The following RPS6KA5 variants were observed in gnomAD, a reference collection of about 807,000 sequenced individuals.
RPS6KA5 encodes the protein ribosomal protein S6 kinase alpha-5.
Under a neutral mutation model 85.5 loss-of-function variants are expected in RPS6KA5, and 27 were observed. That is an observed-to-expected ratio of 0.32 (90% CI 0.23 to 0.44). RPS6KA5 has a LOEUF of 0.44. Ranked by LOEUF, RPS6KA5 falls within the 20% of genes least tolerant of loss-of-function variation. The pLI is 1.00. For missense variants in RPS6KA5, 811 were observed against 980.9 expected, an observed-to-expected ratio of 0.83 and a Z score of 2.31; for synonymous variants, 334 against 348.2, an observed-to-expected ratio of 0.96 and a Z score of 0.46.
chr14:90,907,653 C>T (rs1056750873), intron 7 of RPS6KA5, among the ~76,000 whole-genome samples: 2 of 152,126 alleles, frequency 1.3e-5, no homozygotes, highest in African/African-American at 4.8e-5. Context: ...GTTAATTCTA[C>T]CTCTAGCACT....
In RPS6KA5 at chr14:90,875,346, T is replaced by C; in HGVS notation, c.1851A>G (p.Ser617=). 6.2e-7 allele frequency: 1 copy of C among 1,613,416 alleles called. No homozygotes were observed. Among genetic ancestry groups the C allele is most frequent in the Non-Finnish European group, 8.5e-7 (1 of 1,179,644 alleles). Residue 617 remains serine (S), a synonymous_variant, in exon 15 of 17, where the codon TCA becomes TCG. Transcript: ENST00000614987. ...CATGAGATTGGAAGGGAACCTGTCC[T>C]GACAACATTGTGTACTATCAGGGAA... ...SLGVILYTML[S]GQVPFQSHDR...
In RPS6KA5 at chr14:91,058,396, T is replaced by G. The variant is rs147553232; in HGVS notation, c.103+1936A>C. 3.1e-3 allele frequency among the ~76,000 whole-genome samples: 468 copies of G among 152,318 alleles called. 3 individuals carry two copies. The highest frequency in any genetic ancestry group is 0.011 in the African/African-American group (450 of 41,574). On this transcript the variant is annotated intron_variant, in intron 1 of 16. Transcript: ENST00000614987. The stretch of plus-strand genomic sequence containing the variant: ...TGTTTTCTACAAAACTAGCATTGTT[T>G]GCAAAATCCAGAAACCAAGCAGTTG...
chr14:91,029,793 T>C (rs1354590584), intron 1 of RPS6KA5, among the ~76,000 whole-genome samples: 1 of 152,172 alleles, frequency 6.6e-6, no homozygotes, highest in Non-Finnish European at 1.5e-5. Context: ...TGGTGCCAAG[T>C]ATATAGTAAT....
At chr14:90,879,840 T>A (rs953175553) in intron 14 of RPS6KA5, among the ~76,000 whole-genome samples, 2 of 149,342 alleles carry the variant, frequency 1.3e-5, no homozygotes, top group Non-Finnish European at 3.0e-5. Flanking sequence ...TAGACTGCAG[T>A]GGCACGATCT....
chr14:91,030,611 G>GAAAAAAAAAAAAAAAAAAAAAAAAA (rs58737573), intron 1 of RPS6KA5, among the ~76,000 whole-genome samples: 1 of 22,024 alleles, frequency 4.5e-5, no homozygotes, highest in African/African-American at 1.3e-4. Flanking sequence ...AAAATAAACA[G>GAAAAAAAAAAAAAAAAAAAAAAAAA]AAAAAAAAAA....
chr14:90,964,362 A>C (rs778875783), intron 3 of RPS6KA5, among the ~76,000 whole-genome samples: 3 of 152,218 alleles, frequency 2.0e-5, no homozygotes, highest in Non-Finnish European at 4.4e-5. Flanking sequence ...TGAAAAAAAT[A>C]ATATATAAAA....
At chr14:90,891,921 T>C (rs760617587) in intron 13 of RPS6KA5, among the ~76,000 whole-genome samples, 25 of 152,064 alleles carry the variant, frequency 1.6e-4, no homozygotes, top group Non-Finnish European at 2.8e-4. Context: ...CTTGTCTTCA[T>C]TGAGCCTGCT....
In RPS6KA5 at chr14:90,869,068, G is replaced by C. The variant is rs558029951; in HGVS notation, c.*3006C>G. Reference sequence around the variant, plus strand: ...TGAATTTCTTTTTTTCTTAAGACAGGGTCTCGCTCTGTTGCCCAGGCTGGA... The same window carrying C: ...TGAATTTCTTTTTTTCTTAAGACAGCGTCTCGCTCTGTTGCCCAGGCTGGA... On this transcript the variant is annotated 3_prime_UTR_variant, in exon 17 of 17. Coordinates refer to ENST00000614987, the MANE Select transcript of RPS6KA5 (RefSeq NM_004755.4). The C allele has an allele frequency of 1.3e-5, 2 of 152,176 alleles. No homozygotes were observed. The highest frequency in any genetic ancestry group is 3.9e-4 in the East Asian group (2 of 5,168). The allele number at this position is 152,176 out of a possible 1,614,324, so 9.4% of individuals were successfully genotyped here.
At chr14:90,893,122 G>C (rs973772977) in intron 13 of RPS6KA5, among the ~76,000 whole-genome samples, 1 of 152,102 alleles carries the variant, frequency 6.6e-6, no homozygotes, top group South Asian at 2.1e-4. Context: ...ATACAGTCAT[G>C]GAACAGATCT....
intron 1 of RPS6KA5, among the ~76,000 whole-genome samples, chr14:91,041,376 A>G (rs867033057): frequency 2.0e-5 from 3 of 152,356 alleles, no homozygotes; most frequent in Middle Eastern, 3.4e-3. Flanking sequence ...TCAAAAGGTG[A>G]CAATTGTATG....
chr14:91,000,268 A>G (rs1455895892), intron 2 of RPS6KA5, among the ~76,000 whole-genome samples: 1 of 152,198 alleles, frequency 6.6e-6, no homozygotes, highest in Non-Finnish European at 1.5e-5. Context: ...ATATTAAATA[A>G]AAGTAGATCA....
chr14:90,871,847 C>T lies in RPS6KA5; in HGVS notation c.*227G>A. 1 of 441,300 alleles carries T rather than the reference C, an allele frequency of 2.3e-6. No individual in the cohort carries two copies. Among genetic ancestry groups the T allele is most frequent in the Non-Finnish European group, 4.0e-6 (1 of 252,616 alleles). 27.3% of individuals were successfully genotyped at this position (441,300 alleles called of 1,614,324 possible). On this transcript the variant is annotated 3_prime_UTR_variant, in exon 17 of 17. Transcript: ENST00000614987. Reference sequence around the variant, plus strand: ...GCTCTTTCAAGAATAGTCTTGTTGGCATCATGCTAGGTTGCTAAAAAGAGT... The same window carrying T: ...GCTCTTTCAAGAATAGTCTTGTTGGTATCATGCTAGGTTGCTAAAAAGAGT...
At chr14:90,885,741 C>CA (rs11312699) in intron 14 of RPS6KA5, among the ~76,000 whole-genome samples, 419 of 27,870 alleles carry the variant, frequency 0.015, 80 homozygotes, top group African/African-American at 0.019. Flanking sequence ...GACTCCATCT[C>CA]AAAAAAAAAA....
At chr14:90,960,550 C>T (rs1329596844) in intron 3 of RPS6KA5, among the ~76,000 whole-genome samples, 1 of 151,990 alleles carries the variant, frequency 6.6e-6, no homozygotes, top group Non-Finnish European at 1.5e-5. Context: ...CTTTTAGATC[C>T]CCAGCCCCTT....
Position 90,900,249 on chromosome 14 carries a change from G to T in RPS6KA5, c.1246-8C>A. 5 of 1,537,860 alleles carry T rather than the reference G, an allele frequency of 3.3e-6. No individual in the cohort carries two copies. Among genetic ancestry groups the T allele is most frequent in the Non-Finnish European group, 4.4e-6 (5 of 1,143,216 alleles). ...TTGATAGAATGGAGAGTCCTGTCAA[G>T]AAATCAACATCATTTAACTTCAGAA... On this transcript the variant is annotated splice_polypyrimidine_tract_variant and splice_region_variant and intron_variant, in intron 10 of 16. Coordinates refer to ENST00000614987, the MANE Select transcript of RPS6KA5 (RefSeq NM_004755.4).
At chr14:90,931,236 ACAGCATG>A (rs755214802) in intron 5 of RPS6KA5, among the ~76,000 whole-genome samples, 69 of 152,330 alleles carry the variant, frequency 4.5e-4, no homozygotes, top group Non-Finnish European at 9.0e-4. Context: ...GTCACATGCT[ACAGCATG>A]CATGAACCTT....
At chr14:90,892,161 G>T (rs2034601276) in intron 13 of RPS6KA5, among the ~76,000 whole-genome samples, 1 of 151,928 alleles carries the variant, frequency 6.6e-6, no homozygotes, top group Admixed American at 6.6e-5. Flanking sequence ...ACCATGCCTG[G>T]CTAACTTTTT....
At chr14:91,010,615 A>G (rs2041217217) in intron 1 of RPS6KA5, among the ~76,000 whole-genome samples, 1 of 152,208 alleles carries the variant, frequency 6.6e-6, no homozygotes, top group Non-Finnish European at 1.5e-5. Context: ...AAATTTACAC[A>G]GGAAGGTTGC....
At chr14:91,024,421 A>G (rs2041912386) in intron 1 of RPS6KA5, among the ~76,000 whole-genome samples, 2 of 151,906 alleles carry the variant, frequency 1.3e-5, no homozygotes, top group Non-Finnish European at 2.9e-5. Context: ...TTGGAGGAAT[A>G]TTTTTATTTG....
Sources: allele counts gnomAD v4.1 joint callset (sites outside exome capture counted in the v4.1 genomes callset), GRCh38; gene constraint gnomAD v4.1.1; transcripts MANE v1.5; gene names NCBI Gene and HGNC (gene_info 2026-07-23, HGNC 2026-07-21).